SLC7A14: variants seen among roughly 807,000 people sequenced by gnomAD.
SLC7A14 encodes the protein solute carrier family 7 member 14, also known as gamma-aminobutyric acid transporter SLC7A14.
Under a neutral mutation model 60.2 loss-of-function variants are expected in SLC7A14, and 37 were observed. The observed-to-expected ratio is 0.61, with a 90% CI of 0.47 to 0.81. The LOEUF (loss-of-function observed/expected upper bound fraction) is 0.81. Ranked by LOEUF, SLC7A14 falls within the 30% of genes least tolerant of loss-of-function variation. The pLI is 0.00. For missense variants in SLC7A14, 886 were observed against 982.7 expected, an observed-to-expected ratio of 0.90 and a Z score of 1.32; for synonymous variants, 399 against 395.8, an observed-to-expected ratio of 1.01 and a Z score of -0.10.
intron 1 of SLC7A14, among the ~76,000 whole-genome samples, chr3:170,556,623 G>A (rs1025081725): frequency 6.6e-6 from 1 of 152,162 alleles, no homozygotes; most frequent in African/African-American, 2.4e-5. Context: ...AGTTGGATGT[G>A]CAGGGTTTTT....
At chr3:170,552,894 T>A (rs1714389073) in intron 1 of SLC7A14, among the ~76,000 whole-genome samples, 2 of 152,188 alleles carry the variant, frequency 1.3e-5, no homozygotes, top group Non-Finnish European at 2.9e-5. Flanking sequence ...TTGATCACCT[T>A]CCAAATCCTT....
intron 2 of SLC7A14, among the ~76,000 whole-genome samples, chr3:170,502,600 A>G (rs2108281402): frequency 6.6e-6 from 1 of 152,286 alleles, no homozygotes; most frequent in Middle Eastern, 3.4e-3. Flanking sequence ...AGTCAACTTT[A>G]CCTTCAGTCC....
chr3:170,574,828 G>T (rs1000399572), intron 1 of SLC7A14, among the ~76,000 whole-genome samples: 2 of 152,212 alleles, frequency 1.3e-5, no homozygotes, highest in African/African-American at 4.8e-5. Context: ...ATAGTGTGAA[G>T]GGCAAAGCCC....
chr3:170,549,205 G>GGCC (rs1714264999), intron 1 of SLC7A14, among the ~76,000 whole-genome samples: 1 of 146,980 alleles, frequency 6.8e-6, no homozygotes, highest in African/African-American at 2.6e-5. Flanking sequence ...CTGGGACACC[G>GGCC]GCCTTCTTCT....
At chr3:170,474,780 A>G (rs1338725412) in intron 7 of SLC7A14, among the ~76,000 whole-genome samples, 2 of 152,178 alleles carry the variant, frequency 1.3e-5, no homozygotes, top group African/African-American at 2.4e-5. Flanking sequence ...AGGATTCATG[A>G]GGTCCATTGC....
At position 170,585,685 on chromosome 3, in the gene SLC7A14, C is replaced by T. The variant is rs924144563; in HGVS notation, c.-153+226G>A. Among the ~76,000 whole-genome samples the T allele has an allele frequency of 7.9e-5, 12 of 152,114 alleles. No homozygotes were observed. Among genetic ancestry groups the T allele is most frequent in the African/African-American group, 2.7e-4 (11 of 41,436 alleles). ...ACCGCGGGCAGTCGGGGCCTCATTC[C>T]GGGCCAGAGCAGGAAAGAGCCCGAC... On this transcript the variant is annotated intron_variant, in intron 1 of 7. Transcript: ENST00000231706. This position sits in a 1 kb window ranked among gnomAD's most constrained non-coding sequence, Gnocchi z 5.1.
chr3:170,492,305 T>C (rs1712246172), intron 4 of SLC7A14, among the ~76,000 whole-genome samples: 2 of 152,250 alleles, frequency 1.3e-5, no homozygotes, highest in African/African-American at 4.8e-5. Context: ...TATGTTATCC[T>C]AACTCTTTGC....
intron 1 of SLC7A14, among the ~76,000 whole-genome samples, chr3:170,583,116 G>A (rs1715283011): frequency 6.6e-6 from 1 of 152,160 alleles, no homozygotes; most frequent in African/African-American, 2.4e-5. Flanking sequence ...GTCCCTATGA[G>A]AACATGGGCA....
At chr3:170,569,245 C>T (rs1429532247) in intron 1 of SLC7A14, among the ~76,000 whole-genome samples, 3 of 151,880 alleles carry the variant, frequency 2.0e-5, no homozygotes, top group African/African-American at 7.2e-5. Context: ...TGTCAAAGGC[C>T]TTTTCTGCAT....
chr3:170,496,648 A>T (rs1444293574), intron 4 of SLC7A14: 2 of 1,367,028 alleles, frequency 1.5e-6, no homozygotes, highest in Non-Finnish European at 2.1e-6. Flanking sequence ...GGAGTCTGGG[A>T]TGCAGAACAC....
chr3:170,474,847 A>G (rs532968912), intron 7 of SLC7A14, among the ~76,000 whole-genome samples: 5 of 152,234 alleles, frequency 3.3e-5, no homozygotes, highest in African/African-American at 7.2e-5. Flanking sequence ...TTCCTCAGAA[A>G]GACTGAAAAA....
chr3:170,526,905 C>A lies in SLC7A14; in HGVS notation c.32G>T (p.Arg11Leu). The change falls in exon 2 of 8, where the codon CGG becomes CTG. Residue 11 changes from arginine to leucine, a missense_variant. Transcript: ENST00000231706. The stretch of plus-strand genomic sequence containing the variant: ...CCAGGCAGCTCCCCACTGCACCCGC[C>A]GGGGGTCCAGCGAGGTGAAGAAGCC... MSGFFTSLDP[R>L]RVQWGAAWYA... 6.2e-7 allele frequency: 1 copy of A among 1,613,566 alleles called. No individual in the cohort carries two copies. Among genetic ancestry groups the A allele is most frequent in the Non-Finnish European group, 8.5e-7 (1 of 1,179,828 alleles).
At chr3:170,542,764 T>C (rs1714060100) in intron 1 of SLC7A14, among the ~76,000 whole-genome samples, 1 of 152,198 alleles carries the variant, frequency 6.6e-6, no homozygotes, top group African/African-American at 2.4e-5. Context: ...TCTTCTTTAG[T>C]ATAAGAAGAT....
intron 2 of SLC7A14, among the ~76,000 whole-genome samples, chr3:170,522,684 G>C (rs1196616250): frequency 6.6e-6 from 1 of 152,160 alleles, no homozygotes; most frequent in Non-Finnish European, 1.5e-5. Flanking sequence ...AATTATTTTG[G>C]AGGTGATGGA....
intron 4 of SLC7A14, among the ~76,000 whole-genome samples, 165 bp from the exon 5 acceptor site, chr3:170,486,533 T>C (rs1401098786): frequency 6.6e-6 from 1 of 152,194 alleles, no homozygotes; most frequent in Non-Finnish European, 1.5e-5. Context: ...TCCTCTACTT[T>C]CTAGCTGTGT....
intron 1 of SLC7A14, among the ~76,000 whole-genome samples, chr3:170,583,551 T>C (rs1715295013): frequency 6.6e-6 from 1 of 152,242 alleles, no homozygotes. Context: ...GTTCTAATTT[T>C]TCAATCATGT....
intron 1 of SLC7A14, among the ~76,000 whole-genome samples, chr3:170,579,613 G>A (rs979415792): frequency 7.9e-5 from 12 of 152,290 alleles, no homozygotes; most frequent in African/African-American, 2.4e-4. Context: ...AGTTAAAACC[G>A]TTAAAGGGAA....
intron 1 of SLC7A14, among the ~76,000 whole-genome samples, chr3:170,533,017 C>A (rs1011603751): frequency 6.6e-6 from 1 of 152,160 alleles, no homozygotes; most frequent in Non-Finnish European, 1.5e-5. Flanking sequence ...GCACACATAC[C>A]TTTGGGATGG....
At chr3:170,468,168 G>A (rs1476280723) in intron 7 of SLC7A14, among the ~76,000 whole-genome samples, 1 of 152,164 alleles carries the variant, frequency 6.6e-6, no homozygotes, top group African/African-American at 2.4e-5. Context: ...CCTCTGTGTT[G>A]ATGTCATCCC....
Sources: allele counts gnomAD v4.1 joint callset (sites outside exome capture counted in the v4.1 genomes callset), GRCh38; gene constraint gnomAD v4.1.1; non-coding constraint Gnocchi (gnomAD v3.1); transcripts MANE v1.5; gene names NCBI Gene and HGNC (gene_info 2026-07-23, HGNC 2026-07-21).